The following LYPLAL1 variants were observed in gnomAD, a reference collection of about 807,000 sequenced individuals.
LYPLAL1 encodes the protein lysophospholipase like 1.
Under a neutral mutation model 19.7 loss-of-function variants are expected in LYPLAL1, and 23 were observed. That is an observed-to-expected ratio of 1.17 (90% CI 0.84 to 1.65). The LOEUF is 1.65. Among genes scored for constraint, LYPLAL1 ranks in the 40% most tolerant of loss-of-function variants. LYPLAL1 has a pLI of 0.00. For missense variants in LYPLAL1, 355 were observed against 279.4 expected (o/e 1.27, Z -1.93); for synonymous variants, 119 against 96.3 (o/e 1.24, Z -1.38).
the LYPLAL1 span, among the ~76,000 whole-genome samples, chr1:219,401,369 C>T: frequency 1.8e-5 from 2 of 113,166 alleles, no homozygotes; most frequent in Non-Finnish European, 4.0e-5. Flanking sequence ...CTTAACCCTG[C>T]CTCCTTCTTG....
At chr1:219,420,362 T>C in the LYPLAL1 span, among the ~76,000 whole-genome samples, 1 of 152,188 alleles carries the variant, frequency 6.6e-6, no homozygotes, top group Non-Finnish European at 1.5e-5. Flanking sequence ...CCCGAATAAT[T>C]TGCACTCTAT....
the LYPLAL1 span, among the ~76,000 whole-genome samples, chr1:219,308,002 A>G: frequency 2.6e-5 from 4 of 152,336 alleles, no homozygotes; most frequent in East Asian, 5.8e-4. Context: ...GGAACTTCCT[A>G]GAGACTTGTT....
At chr1:219,391,698 G>A in the LYPLAL1 span, among the ~76,000 whole-genome samples, 1 of 152,020 alleles carries the variant, frequency 6.6e-6, no homozygotes, top group African/African-American at 2.4e-5. Context: ...TGATATTCAA[G>A]CTATATATTT....
chr1:219,253,116 T>TG, the LYPLAL1 span, among the ~76,000 whole-genome samples: 1 of 152,030 alleles, frequency 6.6e-6, no homozygotes, highest in African/African-American at 2.4e-5. Flanking sequence ...TTTATTTCTG[T>TG]GGGGACAGTA....
the LYPLAL1 span, among the ~76,000 whole-genome samples, chr1:219,241,503 A>G: frequency 6.6e-6 from 1 of 152,150 alleles, no homozygotes; most frequent in African/African-American, 2.4e-5. Flanking sequence ...AGCAAGCTGG[A>G]TAGCTAGAAA....
At chr1:219,184,962 T>G (rs2125042981) in intron 2 of LYPLAL1, among the ~76,000 whole-genome samples, 1 of 152,078 alleles carries the variant, frequency 6.6e-6, no homozygotes, top group East Asian at 1.9e-4. Flanking sequence ...AGGATTCCCT[T>G]CTCTGTGTCT....
chr1:219,403,698 G>T, the LYPLAL1 span, among the ~76,000 whole-genome samples: 45 of 152,176 alleles, frequency 3.0e-4, no homozygotes, highest in Non-Finnish European at 4.9e-4. Flanking sequence ...AGCAAAAACT[G>T]AAGGCAGAAA....
chr1:219,303,341 A>G, the LYPLAL1 span, among the ~76,000 whole-genome samples: 2 of 152,382 alleles, frequency 1.3e-5, no homozygotes, highest in South Asian at 4.1e-4. Context: ...AATAAAAACA[A>G]TACAAATGTA....
intron 3 of LYPLAL1, 98 bp downstream of exon 3, chr1:219,193,349 T>A: frequency 1.2e-6 from 1 of 840,318 alleles, no homozygotes; most frequent in Non-Finnish European, 1.8e-6. Flanking sequence ...CACTTGTATA[T>A]CATTCGATGC....
chr1:219,309,552 G>A, the LYPLAL1 span, among the ~76,000 whole-genome samples: 281 of 152,270 alleles, frequency 1.8e-3, 1 homozygote, highest in African/African-American at 6.0e-3. Flanking sequence ...ACCCGGGGGA[G>A]AAAATTTGAA....
At chr1:219,271,185 C>T in the LYPLAL1 span, 1 of 152,330 alleles carries the variant, frequency 6.6e-6, no homozygotes, top group East Asian at 1.9e-4. Flanking sequence ...CTCAGGTGAT[C>T]TGCCTGCCTC....
At chr1:219,228,624 T>C in the LYPLAL1 span, among the ~76,000 whole-genome samples, 1 of 152,062 alleles carries the variant, frequency 6.6e-6, no homozygotes, top group Non-Finnish European at 1.5e-5. Flanking sequence ...TAAGTAGTTA[T>C]CTGGAAATAT....
chr1:219,436,272 T>G, the LYPLAL1 span, among the ~76,000 whole-genome samples: 9 of 152,342 alleles, frequency 5.9e-5, no homozygotes, highest in Admixed American at 4.6e-4. Context: ...CCACTTTATG[T>G]CTTTAAAGAA....
the LYPLAL1 span, among the ~76,000 whole-genome samples, chr1:219,229,282 G>A: frequency 7.1e-6 from 1 of 140,960 alleles, no homozygotes; most frequent in Non-Finnish European, 1.5e-5. Flanking sequence ...ACATAGGTGA[G>A]GACAAGCATT....
chr1:219,435,316 C>T, the LYPLAL1 span: 13 of 152,200 alleles, frequency 8.5e-5, no homozygotes, highest in African/African-American at 3.1e-4. Context: ...TCTATCTTCT[C>T]AAGTTCCATC....
At chr1:219,399,884 C>T in the LYPLAL1 span, among the ~76,000 whole-genome samples, 2 of 152,178 alleles carry the variant, frequency 1.3e-5, no homozygotes, top group Non-Finnish European at 2.9e-5. Flanking sequence ...CCATCCCTAG[C>T]CATGCTCTGC....
At chr1:219,367,945 A>ATAT in the LYPLAL1 span, among the ~76,000 whole-genome samples, 1 of 144,490 alleles carries the variant, frequency 6.9e-6, no homozygotes, top group East Asian at 2.0e-4. Context: ...TGGCTTTACA[A>ATAT]TTTTTTTTTT....
Position 219,193,096 on chromosome 1 carries a change from T to C in LYPLAL1, c.206T>C (p.Met69Thr). ...PTAPPRSYTP[M>T]KGGISNVWFD... ...TTGTTAAACAGATCATATACTCCTA[T>C]GAAAGGAGGAATCTCCAATGTATGG... The change falls in exon 3 of 5, where the codon ATG becomes ACG. Residue 69 changes from methionine (M) to threonine (T), a missense_variant. Physicochemically the swap from Met to Thr is moderately conservative, Grantham distance 81 (BLOSUM62 -1). Coordinates refer to ENST00000366928, the MANE Select transcript of LYPLAL1 (RefSeq NM_138794.5). The C allele has an allele frequency of 1.3e-6, 2 of 1,597,820 alleles. No homozygotes were observed. Among genetic ancestry groups the C allele is most frequent in the Non-Finnish European group, 1.7e-6 (2 of 1,169,378 alleles).
At chr1:219,236,944 C>T in the LYPLAL1 span, among the ~76,000 whole-genome samples, 1 of 151,938 alleles carries the variant, frequency 6.6e-6, no homozygotes, top group Non-Finnish European at 1.5e-5. Context: ...TGTGTTGTTC[C>T]CCTCCCTGTG....
Sources: allele counts gnomAD v4.1 joint callset (sites outside exome capture counted in the v4.1 genomes callset), GRCh38; gene constraint gnomAD v4.1.1; transcripts MANE v1.5; gene names NCBI Gene and HGNC (gene_info 2026-07-23, HGNC 2026-07-21).